The following CREB5 variants were observed in gnomAD, a reference collection of about 807,000 sequenced individuals.
CREB5 encodes the protein cyclic AMP-responsive element-binding protein 5.
CREB5 carries 19 observed loss-of-function variants against 57.1 expected under a neutral mutation model. The ratio of observed to expected loss-of-function variants is 0.33; its 90% CI spans 0.23 to 0.49. The LOEUF is 0.49. Ranked by LOEUF, CREB5 falls within the 20% of genes least tolerant of loss-of-function variation. The pLI is 0.99. For synonymous variants in CREB5, 238 were observed against 238.3 expected (o/e 1.00, Z 0.01); for missense variants, 579 against 671.6 (o/e 0.86, Z 1.52).
intron 5 of CREB5, among the ~76,000 whole-genome samples, chr7:28,640,679 C>T (rs1286635410): frequency 6.6e-6 from 1 of 152,036 alleles, no homozygotes; most frequent in Non-Finnish European, 1.5e-5. Flanking sequence ...AGAAAATGAG[C>T]CTGGGAATTG....
At chr7:28,311,466 C>T (rs1162690449) in intron 1 of CREB5, among the ~76,000 whole-genome samples, 2 of 152,196 alleles carry the variant, frequency 1.3e-5, no homozygotes, top group African/African-American at 2.4e-5. Flanking sequence ...TCCCTCTTCC[C>T]GTGGAACATT....
intron 5 of CREB5, among the ~76,000 whole-genome samples, chr7:28,698,680 G>A (rs1313449186): frequency 3.9e-5 from 6 of 152,214 alleles, no homozygotes; most frequent in Non-Finnish European, 8.8e-5. Flanking sequence ...TATTAAAACA[G>A]CCACATTGTG....
chr7:28,582,735 TGTG>T (rs1192827035), intron 5 of CREB5, among the ~76,000 whole-genome samples: 3 of 152,144 alleles, frequency 2.0e-5, no homozygotes, highest in African/African-American at 7.2e-5. Flanking sequence ...AAATTAGACG[TGTG>T]GTGAGTTTTA....
At chr7:28,524,830 A>G (rs58263807) in intron 4 of CREB5, among the ~76,000 whole-genome samples, 50,307 of 152,068 alleles carry the variant, frequency 0.33, 9,110 homozygotes, top group Middle Eastern at 0.4. Flanking sequence ...ATTTCTTTGG[A>G]GAACATTTCA....
At chr7:28,713,083 C>T (rs891625006) in intron 5 of CREB5, among the ~76,000 whole-genome samples, 4 of 152,092 alleles carry the variant, frequency 2.6e-5, no homozygotes, top group Non-Finnish European at 4.4e-5. Flanking sequence ...AATAAAGTCT[C>T]GCTCTGTTGC....
At chr7:28,689,024 C>A (rs1331193922) in intron 5 of CREB5, among the ~76,000 whole-genome samples, 1 of 152,130 alleles carries the variant, frequency 6.6e-6, no homozygotes, top group Non-Finnish European at 1.5e-5. Flanking sequence ...ATGATCTCAG[C>A]TCATTACACT....
intron 1 of CREB5, among the ~76,000 whole-genome samples, chr7:28,426,171 C>A (rs1347209826): frequency 6.6e-6 from 1 of 152,188 alleles, no homozygotes; most frequent in Non-Finnish European, 1.5e-5. Flanking sequence ...TCCTCTCTTG[C>A]TCTACTATGT....
chr7:28,639,684 C>A (rs1386429673), intron 5 of CREB5, among the ~76,000 whole-genome samples: 2 of 152,094 alleles, frequency 1.3e-5, no homozygotes, highest in Non-Finnish European at 2.9e-5. Flanking sequence ...GAACAGACCT[C>A]AAGGAGCCCT....
chr7:28,512,587 T>TAA (rs5883141), intron 4 of CREB5, among the ~76,000 whole-genome samples: 1 of 151,902 alleles, frequency 6.6e-6, no homozygotes, highest in African/African-American at 2.4e-5. Context: ...TTTAATGACT[T>TAA]AAAAAAGAAA....
intron 1 of CREB5, among the ~76,000 whole-genome samples, chr7:28,475,859 G>A (rs1295273583): frequency 2.6e-5 from 4 of 152,106 alleles, no homozygotes; most frequent in South Asian, 2.1e-4. Context: ...AAACAGACAC[G>A]TGCAGCTCCA....
chr7:28,305,031 A>T (rs1748850726), intron 1 of CREB5, among the ~76,000 whole-genome samples: 1 of 152,174 alleles, frequency 6.6e-6, no homozygotes, highest in African/African-American at 2.4e-5. Flanking sequence ...AATACATTTT[A>T]AAAAAGTTTA....
chr7:28,542,260 A>C (rs1480779487), intron 4 of CREB5, among the ~76,000 whole-genome samples: 1 of 152,234 alleles, frequency 6.6e-6, no homozygotes, highest in Non-Finnish European at 1.5e-5. Context: ...CAAGTAGTGA[A>C]GCCAGATTCC....
chr7:28,591,282 G>A (rs867605636), intron 5 of CREB5, among the ~76,000 whole-genome samples: 1 of 152,116 alleles, frequency 6.6e-6, no homozygotes, highest in African/African-American at 2.4e-5. Context: ...CAAGCATAAC[G>A]CCATTCCTTC....
Position 28,334,456 on chromosome 7 carries a change from T to C in CREB5, c.-25+35015T>C, listed in dbSNP as rs111576783. ...ACAGGGGTGAGCCACCATGCCCAGC[T>C]AACCACCTTTTTATATAGCTGTTTG... On this transcript the variant is annotated intron_variant, in intron 1 of 9. Transcript: ENST00000396299. 6.3e-3 allele frequency among the ~76,000 whole-genome samples: 964 copies of C among 152,238 alleles called. 5 individuals are homozygous for C. Among genetic ancestry groups the C allele is most frequent in the African/African-American group, 0.022 (909 of 41,556 alleles).
At chr7:28,407,203 C>A (rs544303603) in intron 1 of CREB5, among the ~76,000 whole-genome samples, 1 of 152,108 alleles carries the variant, frequency 6.6e-6, no homozygotes, top group Non-Finnish European at 1.5e-5. Context: ...GCACCCACCA[C>A]CACACCCAGC....
chr7:28,798,450 G>T (rs1200496135), intron 7 of CREB5, among the ~76,000 whole-genome samples: 1 of 152,142 alleles, frequency 6.6e-6, no homozygotes, highest in Non-Finnish European at 1.5e-5. Context: ...ATGACGTGTG[G>T]GTGTACCCAG....
chr7:28,331,708 G>A (rs560109530), intron 1 of CREB5, among the ~76,000 whole-genome samples: 70 of 152,140 alleles, frequency 4.6e-4, no homozygotes, highest in African/African-American at 1.6e-3. Context: ...AATTAGCTGG[G>A]TGTGGTGGCT....
At chr7:28,654,542 T>C (rs1799262548) in intron 5 of CREB5, among the ~76,000 whole-genome samples, 1 of 152,266 alleles carries the variant, frequency 6.6e-6, no homozygotes, top group Non-Finnish European at 1.5e-5. Flanking sequence ...TATTTTCTTC[T>C]GCATTCTGCA....
At chr7:28,782,638 C>A (rs1047120132) in intron 7 of CREB5, among the ~76,000 whole-genome samples, 1 of 152,040 alleles carries the variant, frequency 6.6e-6, no homozygotes, top group African/African-American at 2.4e-5. Flanking sequence ...GTATTCAACT[C>A]AACAATAGAC....
Sources: gnomAD v4.1 joint callset for allele counts (sites outside exome capture counted in the v4.1 genomes callset) on GRCh38, gnomAD v4.1.1 for gene constraint, MANE v1.5 for transcripts, NCBI Gene and HGNC (gene_info 2026-07-23, HGNC 2026-07-21) for gene names.